AOAH: variants seen among roughly 807,000 people sequenced by gnomAD.
AOAH encodes the protein acyloxyacyl hydrolase.
AOAH carries 64 observed loss-of-function variants against 92.2 expected under a neutral mutation model. That is an observed-to-expected ratio of 0.69 (90% CI 0.57 to 0.86). The LOEUF is 0.86. AOAH is among the 40% of genes least tolerant of loss of function. The probability of loss-of-function intolerance (pLI) is 0.00; values close to 1 mark genes in which losing one functional copy is unlikely to be tolerated. For missense variants in AOAH, 656 were observed against 694.6 expected, an observed-to-expected ratio of 0.94 and a Z score of 0.62; for synonymous variants, 263 against 254.5, an observed-to-expected ratio of 1.03 and a Z score of -0.32.
chr7:36,709,330 T>C (rs1263827720), intron 1 of AOAH, among the ~76,000 whole-genome samples: 1 of 152,134 alleles, frequency 6.6e-6, no homozygotes, highest in Non-Finnish European at 1.5e-5. Context: ...GTGATAAAAC[T>C]ACTGTTCTCA....
intron 12 of AOAH, among the ~76,000 whole-genome samples, chr7:36,581,787 A>T (rs2727833): frequency 0.64 from 97,900 of 152,080 alleles, 32,838 homozygotes; most frequent in African/African-American, 0.85. Flanking sequence ...GATAGTTCTA[A>T]TAACATTTCT....
chr7:36,514,384 G>A (rs1790216815), intron 20 of AOAH: 2 of 1,038,206 alleles, frequency 1.9e-6, no homozygotes, highest in Non-Finnish European at 2.8e-6. Context: ...AGGCTGTGAG[G>A]GCAGGGAGTC....
chr7:36,570,026 T>C (rs1310469520), intron 13 of AOAH, among the ~76,000 whole-genome samples: 1 of 152,246 alleles, frequency 6.6e-6, no homozygotes, highest in African/African-American at 2.4e-5. Flanking sequence ...ACACTTAACA[T>C]GGTAACTGTT....
chr7:36,611,544 G>A (rs7791838), intron 11 of AOAH, among the ~76,000 whole-genome samples: 32,273 of 152,204 alleles, frequency 0.21, 3,734 homozygotes, highest in Non-Finnish European at 0.27. Flanking sequence ...GCTTGCTGGA[G>A]TGATTTTCTT....
At chr7:36,609,115 G>T (rs1041491106) in intron 11 of AOAH, among the ~76,000 whole-genome samples, 2 of 152,138 alleles carry the variant, frequency 1.3e-5, no homozygotes, top group African/African-American at 2.4e-5. Flanking sequence ...GCTGGGGTAG[G>T]GTGGCATCTT....
At chr7:36,534,541 G>A (rs1005712162) in intron 16 of AOAH, among the ~76,000 whole-genome samples, 1 of 152,214 alleles carries the variant, frequency 6.6e-6, no homozygotes, top group African/African-American at 2.4e-5. Context: ...GGGTGCTTGC[G>A]ATGGGCTTAT....
chr7:36,520,636 C>T (rs188688541), intron 20 of AOAH, among the ~76,000 whole-genome samples: 80 of 149,120 alleles, frequency 5.4e-4, no homozygotes, highest in African/African-American at 1.8e-3. Flanking sequence ...AACCAGGAAG[C>T]GGAGGTTGCG....
At chr7:36,581,607 C>A (rs1788935733) in intron 12 of AOAH, among the ~76,000 whole-genome samples, 1 of 152,074 alleles carries the variant, frequency 6.6e-6, no homozygotes. Flanking sequence ...TAATTCTTAC[C>A]TATTTAGTCA....
intron 20 of AOAH, among the ~76,000 whole-genome samples, chr7:36,517,582 T>C (rs1043278889): frequency 2.7e-5 from 4 of 147,016 alleles, no homozygotes; most frequent in Non-Finnish European, 4.5e-5. Context: ...GTGTAGAGCC[T>C]TTCTGACTTT....
intron 1 of AOAH, among the ~76,000 whole-genome samples, chr7:36,710,201 A>ATTC (rs1353239964): frequency 6.6e-6 from 1 of 152,178 alleles, no homozygotes; most frequent in East Asian, 1.9e-4. Flanking sequence ...TGACAAAAGG[A>ATTC]TTCTGCATAT....
chr7:36,723,719 A>G (rs1191258234), intron 1 of AOAH, among the ~76,000 whole-genome samples: 1 of 152,202 alleles, frequency 6.6e-6, no homozygotes, highest in Non-Finnish European at 1.5e-5. Context: ...AGCAGTAAAA[A>G]TTTCAGACTA....
At chr7:36,690,056 G>T (rs1372532454) in intron 1 of AOAH, 3 of 369,724 alleles carry the variant, frequency 8.1e-6, no homozygotes, top group East Asian at 8.5e-5. Flanking sequence ...AATGCAAAGC[G>T]AATGGGGCAG....
intron 1 of AOAH, among the ~76,000 whole-genome samples, chr7:36,722,623 A>G (rs990211793): frequency 6.6e-6 from 1 of 152,048 alleles, no homozygotes; most frequent in African/African-American, 2.4e-5. Flanking sequence ...GTCTTGGGGA[A>G]TCTGGGTCTT....
At chr7:36,679,216 G>A (rs1296659775) in intron 2 of AOAH, among the ~76,000 whole-genome samples, 1 of 151,708 alleles carries the variant, frequency 6.6e-6, no homozygotes, top group African/African-American at 2.4e-5. Flanking sequence ...CTAGATCCCT[G>A]AGGAATCACC....
chr7:36,697,324 C>G (rs1797785615), intron 1 of AOAH, among the ~76,000 whole-genome samples: 1 of 152,112 alleles, frequency 6.6e-6, no homozygotes, highest in South Asian at 2.1e-4. Context: ...CTCTATTATA[C>G]TAATTTGGTG....
At position 36,620,886 on chromosome 7, in the gene AOAH, C is replaced by T. The variant is rs555225794; in HGVS notation, c.654-57G>A. The T allele has an allele frequency of 7.5e-6, 11 of 1,475,752 alleles. No individual in the cohort carries two copies. In the South Asian group the frequency reaches 1.2e-4, roughly 15 times the overall value. The allele number at this position is 1,475,752 out of a possible 1,614,324, so 91.4% of individuals were successfully genotyped here. A position where few individuals can be genotyped will look rare whatever the true frequency, so the allele number is the denominator to read the frequency against. ...CATATGCTTGTCTCTCAGTGGATGT[C>T]AGTTTCATGCATGAATGAATGAATG... On this transcript the variant is annotated intron_variant, in intron 8 of 20. Transcript: ENST00000617537.
At chr7:36,715,933 A>G (rs1277944381) in intron 1 of AOAH, among the ~76,000 whole-genome samples, 1 of 152,222 alleles carries the variant, frequency 6.6e-6, no homozygotes, top group Non-Finnish European at 1.5e-5. Flanking sequence ...TTCATGTCTA[A>G]AACACCAAAA....
At chr7:36,640,436 C>G (rs965218750) in intron 4 of AOAH, among the ~76,000 whole-genome samples, 4 of 152,132 alleles carry the variant, frequency 2.6e-5, no homozygotes, top group African/African-American at 9.7e-5. Flanking sequence ...GTGAAGGCTA[C>G]ATGGGGAGTG....
intron 1 of AOAH, among the ~76,000 whole-genome samples, chr7:36,705,214 A>G (rs1398494558): frequency 1.3e-5 from 2 of 152,230 alleles, no homozygotes; most frequent in Non-Finnish European, 2.9e-5. Flanking sequence ...TTTGCAGATG[A>G]CATGATTGTA....
Sources: gnomAD v4.1 joint callset for allele counts (sites outside exome capture counted in the v4.1 genomes callset) on GRCh38, gnomAD v4.1.1 for gene constraint, MANE v1.5 for transcripts, NCBI Gene and HGNC (gene_info 2026-07-23, HGNC 2026-07-21) for gene names.